CDH13: variants seen among roughly 807,000 people sequenced by gnomAD.
CDH13 encodes cadherin-13.
CDH13 carries 24 observed loss-of-function variants against 63.8 expected under a neutral mutation model. The ratio of observed to expected loss-of-function variants is 0.38; its 90% confidence interval spans 0.27 to 0.53. The LOEUF (loss-of-function observed/expected upper bound fraction) is 0.53, where lower values mean the gene tolerates loss of function less well. Ranked by LOEUF, CDH13 falls within the 20% of genes least tolerant of loss-of-function variation. The pLI is 0.85. For missense variants in CDH13, 1,049 were observed against 903.1 expected, an observed-to-expected ratio of 1.16 and a Z score of -2.07; for synonymous variants, 503 against 355.3, an observed-to-expected ratio of 1.42 and a Z score of -4.67.
intron 6 of CDH13, among the ~76,000 whole-genome samples, chr16:83,468,827 G>C (rs747949048): frequency 1.3e-5 from 2 of 152,196 alleles, no homozygotes; most frequent in African/African-American, 2.4e-5. Flanking sequence ...ATAGGTAAAC[G>C]TGTGCCATGG....
At chr16:82,895,958 T>G (rs1441719976) in intron 2 of CDH13, among the ~76,000 whole-genome samples, 1 of 152,026 alleles carries the variant, frequency 6.6e-6, no homozygotes, top group Non-Finnish European at 1.5e-5. Context: ...TTCGCAGGCA[T>G]TATCCCTCTT....
At chr16:83,063,198 G>T (rs2031723947) in intron 3 of CDH13, among the ~76,000 whole-genome samples, 1 of 152,126 alleles carries the variant, frequency 6.6e-6, no homozygotes, top group South Asian at 2.1e-4. Flanking sequence ...TTGAACTCAG[G>T]TGATCCACCC....
chr16:82,835,187 T>C (rs1261564619), intron 1 of CDH13, among the ~76,000 whole-genome samples: 1 of 152,228 alleles, frequency 6.6e-6, no homozygotes, highest in Admixed American at 6.5e-5. Context: ...TAAAATCCAG[T>C]GTGCATTTTG....
At chr16:83,060,398 A>G (rs1354231690) in intron 3 of CDH13, among the ~76,000 whole-genome samples, 1 of 152,186 alleles carries the variant, frequency 6.6e-6, no homozygotes, top group Non-Finnish European at 1.5e-5. Context: ...TATAAATTGC[A>G]GGCCTTCTTT....
intron 11 of CDH13, among the ~76,000 whole-genome samples, chr16:83,755,033 T>C (rs1034499876): frequency 6.6e-6 from 1 of 151,940 alleles, no homozygotes; most frequent in African/African-American, 2.4e-5. Context: ...CTACAGAGGA[T>C]CCAGATATTT....
chr16:82,842,939 G>C (rs960395160), intron 1 of CDH13, among the ~76,000 whole-genome samples: 1 of 152,186 alleles, frequency 6.6e-6, no homozygotes, highest in African/African-American at 2.4e-5. Context: ...TGGTCTAACA[G>C]AGGTGGAGCT....
chr16:83,698,985 C>T (rs964122967), intron 10 of CDH13, among the ~76,000 whole-genome samples: 9 of 152,206 alleles, frequency 5.9e-5, no homozygotes, highest in South Asian at 2.1e-4. Flanking sequence ...ACACCCCTAC[C>T]AGCATTATGG....
At chr16:83,550,300 G>A (rs2075467047) in intron 7 of CDH13, among the ~76,000 whole-genome samples, 1 of 152,200 alleles carries the variant, frequency 6.6e-6, no homozygotes, top group African/African-American at 2.4e-5. Context: ...TCCCAAAGAA[G>A]CCTTTTTCAA....
intron 10 of CDH13, among the ~76,000 whole-genome samples, chr16:83,707,358 C>A (rs774052907): frequency 1.3e-5 from 2 of 152,174 alleles, no homozygotes; most frequent in Non-Finnish European, 2.9e-5. Flanking sequence ...TTACCTCCTT[C>A]TTTGTCTTAG....
chr16:82,760,863 T>G (rs2034809376), intron 1 of CDH13, among the ~76,000 whole-genome samples: 1 of 151,674 alleles, frequency 6.6e-6, no homozygotes, highest in African/African-American at 2.4e-5. Context: ...GCCAGGCCCT[T>G]TTCAACAATC....
chr16:82,818,114 T>TTGTGTGTGTGTGTGTGTGTGTG (rs5818411), intron 1 of CDH13, among the ~76,000 whole-genome samples: 3 of 149,258 alleles, frequency 2.0e-5, no homozygotes, highest in African/African-American at 7.4e-5. Flanking sequence ...ACATGTATGG[T>TTGTGTGTGTGTGTGTGTGTGTG]TGTGTGTGTG....
At chr16:82,785,153 G>A (rs2035944786) in intron 1 of CDH13, among the ~76,000 whole-genome samples, 1 of 152,260 alleles carries the variant, frequency 6.6e-6, no homozygotes, top group African/African-American at 2.4e-5. Context: ...TGCGTTCGGG[G>A]CTGGCAGTTG....
At chr16:83,049,577 C>T (rs371797113) in intron 3 of CDH13, among the ~76,000 whole-genome samples, 47 of 152,120 alleles carry the variant, frequency 3.1e-4, no homozygotes, top group African/African-American at 8.2e-4. Flanking sequence ...CCTCGTGATC[C>T]GCCTGCCTCA....
At chr16:83,650,775 T>G (rs189332530) in intron 8 of CDH13, among the ~76,000 whole-genome samples, 3 of 152,062 alleles carry the variant, frequency 2.0e-5, no homozygotes, top group African/African-American at 7.2e-5. Context: ...AGATTACAAT[T>G]CGAAAAGAAA....
chr16:83,666,071 C>CCA (rs1352651446), intron 8 of CDH13, among the ~76,000 whole-genome samples: 1 of 152,126 alleles, frequency 6.6e-6, no homozygotes, highest in African/African-American at 2.4e-5. Context: ...ATTTGATTTG[C>CCA]CACACAGTTT....
At chr16:83,083,849 C>T (rs144471642) in intron 3 of CDH13, among the ~76,000 whole-genome samples, 1 of 152,174 alleles carries the variant, frequency 6.6e-6, no homozygotes, top group African/African-American at 2.4e-5. Flanking sequence ...TATTATCCCA[C>T]CCATTTGCCT....
At chr16:83,225,060 A>T (rs377639558) in intron 5 of CDH13, among the ~76,000 whole-genome samples, 1 of 152,138 alleles carries the variant, frequency 6.6e-6, no homozygotes, top group African/African-American at 2.4e-5. Context: ...TTAGAGATGT[A>T]AATTGTTAGG....
At chr16:83,526,628 C>G (rs1401908450) in intron 7 of CDH13, among the ~76,000 whole-genome samples, 2 of 152,220 alleles carry the variant, frequency 1.3e-5, no homozygotes, top group African/African-American at 2.4e-5. Context: ...AGCGTACAGA[C>G]TAGTTCTGGT....
intron 5 of CDH13, among the ~76,000 whole-genome samples, chr16:83,220,587 A>T (rs974809223): frequency 4.0e-5 from 6 of 151,626 alleles, no homozygotes; most frequent in Non-Finnish European, 5.9e-5. Flanking sequence ...CATGTACCAT[A>T]GAACTTAAAG....
Sources: allele counts gnomAD v4.1 joint callset (sites outside exome capture counted in the v4.1 genomes callset), GRCh38; gene constraint gnomAD v4.1.1; transcripts MANE v1.5; gene names NCBI Gene and HGNC (gene_info 2026-07-23, HGNC 2026-07-21).